The following KIF16B variants were observed in gnomAD, a reference collection of about 807,000 sequenced individuals.
KIF16B encodes the protein kinesin family member 16B.
In KIF16B, 98 loss-of-function variants were observed where a neutral mutation model predicts 156.3. That is an observed-to-expected ratio of 0.63 (90% CI 0.53 to 0.74). The LOEUF is 0.74. Among genes scored for constraint, KIF16B ranks in the 30% least tolerant of loss-of-function variants. KIF16B has a pLI of 0.00. For missense variants in KIF16B, 1,421 were observed against 1,606.5 expected (o/e 0.88, Z 1.97); for synonymous variants, 564 against 583.7 (o/e 0.97, Z 0.49).
intron 1 of KIF16B, among the ~76,000 whole-genome samples, chr20:16,532,332 T>C (rs899252540): frequency 1.3e-5 from 2 of 152,016 alleles, no homozygotes; most frequent in Non-Finnish European, 2.9e-5. Context: ...AAAATAAATA[T>C]CAGTTGTGAA....
intron 16 of KIF16B, among the ~76,000 whole-genome samples, chr20:16,405,986 A>G (rs771512970): frequency 4.6e-5 from 7 of 152,006 alleles, no homozygotes; most frequent in Non-Finnish European, 8.8e-5. Context: ...TCCCACCTCA[A>G]TGAAAAATCT....
chr20:16,441,260 G>T (rs1035417494), intron 12 of KIF16B, among the ~76,000 whole-genome samples: 1 of 152,134 alleles, frequency 6.6e-6, no homozygotes, highest in Non-Finnish European at 1.5e-5. Flanking sequence ...AAGCTGGCCC[G>T]TTCTTGTTTC....
intron 3 of KIF16B, among the ~76,000 whole-genome samples, chr20:16,516,968 G>GGA (rs1448238328): frequency 6.6e-6 from 1 of 152,214 alleles, no homozygotes; most frequent in Non-Finnish European, 1.5e-5. Context: ...GACCCTGCAT[G>GGA]GAAGCCAGAT....
intron 25 of KIF16B, among the ~76,000 whole-genome samples, chr20:16,278,849 C>A (rs1221437553): frequency 1.3e-5 from 2 of 152,194 alleles, no homozygotes; most frequent in African/African-American, 2.4e-5. Flanking sequence ...CTGAGCCACA[C>A]GGTCTCTCAC....
rs1451930984 is a variant in KIF16B, at chr20:16,404,814, C to G, written c.1783G>C (p.Gly595Arg). ...NLSAVMLYNP[G>R]LEFERQQREE... Reference sequence around the variant, plus strand: ...AAGGAGATGCTGCTGTTCACTCACCCGGGGTTATACAACATGACTGCAGAC... The same window carrying G: ...AAGGAGATGCTGCTGTTCACTCACCGGGGGTTATACAACATGACTGCAGAC... The change falls in exon 17 of 26, where the codon GGA becomes CGA. Residue 595 changes from glycine (G) to arginine (R), a missense_variant and splice_region_variant. By Grantham distance (125) the Gly-to-Arg change is moderately radical. Coordinates refer to ENST00000354981, the MANE Select transcript of KIF16B (RefSeq NM_024704.5). 2 of 1,609,230 alleles carry G rather than the reference C, an allele frequency of 1.2e-6. No individual in the cohort carries two copies. Among genetic ancestry groups the G allele is most frequent in the Non-Finnish European group, 1.7e-6 (2 of 1,176,088 alleles).
chr20:16,499,286 G>A (rs2068548100), intron 10 of KIF16B, among the ~76,000 whole-genome samples: 1 of 152,268 alleles, frequency 6.6e-6, no homozygotes, highest in East Asian at 1.9e-4. Context: ...CCAGAGCTAT[G>A]GTTTCTCAGC....
At chr20:16,514,124 G>T (rs2069054337) in intron 4 of KIF16B, among the ~76,000 whole-genome samples, 1 of 152,084 alleles carries the variant, frequency 6.6e-6, no homozygotes, top group South Asian at 2.1e-4. Flanking sequence ...TGTAATTTGT[G>T]AGTGCTTTAT....
At chr20:16,462,321 C>T (rs538117274) in intron 12 of KIF16B, among the ~76,000 whole-genome samples, 4 of 152,320 alleles carry the variant, frequency 2.6e-5, no homozygotes, top group Admixed American at 1.3e-4. Context: ...CCCTGCAATC[C>T]TCACCCGGTT....
chr20:16,395,706 C>T (rs2065483614), intron 17 of KIF16B, among the ~76,000 whole-genome samples: 1 of 152,032 alleles, frequency 6.6e-6, no homozygotes, highest in Non-Finnish European at 1.5e-5. Context: ...ACCAGGATGG[C>T]CAGGACTTGC....
At chr20:16,303,971 C>T (rs1411769628) in intron 25 of KIF16B, among the ~76,000 whole-genome samples, 1 of 152,114 alleles carries the variant, frequency 6.6e-6, no homozygotes, top group Non-Finnish European at 1.5e-5. Context: ...TCCTGATTTC[C>T]AGCTTAGAGT....
intron 25 of KIF16B, among the ~76,000 whole-genome samples, chr20:16,276,837 G>C (rs2063068988): frequency 6.6e-6 from 1 of 152,224 alleles, no homozygotes; most frequent in Non-Finnish European, 1.5e-5. Context: ...AACGTGCTGA[G>C]AGGAAACCTT....
intron 23 of KIF16B, among the ~76,000 whole-genome samples, chr20:16,341,508 T>C (rs1479796910): frequency 6.6e-6 from 1 of 152,212 alleles, no homozygotes; most frequent in African/African-American, 2.4e-5. Flanking sequence ...TGATGAACAA[T>C]GAAAATCATT....
At position 16,303,527 on chromosome 20, in the gene KIF16B, T is replaced by C. The variant is rs111864244; in HGVS notation, c.3795+8808A>G. Among the ~76,000 whole-genome samples the C allele has an allele frequency of 7.2e-3, 1,096 of 152,346 alleles. 24 individuals are homozygous for C. The highest frequency in any genetic ancestry group is 0.025 in the African/African-American group (1,040 of 41,586). ...GTGGTAGAGCAAGCACTCAAACCCA[T>C]GTTTACAAATGTGCTCTCATTTTGA... On this transcript the variant is annotated intron_variant, in intron 25 of 25. Coordinates refer to ENST00000354981, the MANE Select transcript of KIF16B (RefSeq NM_024704.5).
intron 23 of KIF16B, among the ~76,000 whole-genome samples, chr20:16,347,768 A>T (rs546077168): frequency 6.6e-6 from 1 of 152,324 alleles, no homozygotes; most frequent in South Asian, 2.1e-4. Flanking sequence ...GCAACACTCC[A>T]TTTGTCTCGG....
chr20:16,564,193 G>A (rs1334405173), intron 1 of KIF16B, among the ~76,000 whole-genome samples: 1 of 152,180 alleles, frequency 6.6e-6, no homozygotes, highest in African/African-American at 2.4e-5. Context: ...AAAGATTACA[G>A]GAGTCCTTGC....
chr20:16,401,055 G>A (rs907197055), intron 17 of KIF16B, among the ~76,000 whole-genome samples: 3 of 151,552 alleles, frequency 2.0e-5, no homozygotes, highest in African/African-American at 7.3e-5. Flanking sequence ...TCTACAGCAG[G>A]TGGCAAGTTG....
chr20:16,336,020 T>C lies in KIF16B; in HGVS notation c.3622-5A>G, dbSNP rs773812823. On this transcript the variant is annotated splice_region_variant and splice_polypyrimidine_tract_variant and intron_variant, in intron 23 of 25. Transcript: ENST00000354981. ...TGTCTCATCTAGGACAGTAATCTAT[T>C]AACCAGGAAAACCAAAATGAATAAG... 1.3e-6 allele frequency: 2 copies of C among 1,572,012 alleles called. No individual in the cohort carries two copies. The highest frequency in any genetic ancestry group is 1.7e-6 in the Non-Finnish European group (2 of 1,157,442).
At chr20:16,401,062 G>T (rs182522312) in intron 17 of KIF16B, among the ~76,000 whole-genome samples, 281 of 150,136 alleles carry the variant, frequency 1.9e-3, no homozygotes, top group South Asian at 3.4e-3. Flanking sequence ...CAGGTGGCAA[G>T]TTGCAGGGGC....
intron 6 of KIF16B, among the ~76,000 whole-genome samples, chr20:16,509,930 A>G (rs1450853804): frequency 6.6e-6 from 1 of 152,138 alleles, no homozygotes; most frequent in Non-Finnish European, 1.5e-5. Flanking sequence ...AAAAAAATTA[A>G]CCCACGGATT....
Sources: gnomAD v4.1 joint callset for allele counts (sites outside exome capture counted in the v4.1 genomes callset) on GRCh38, gnomAD v4.1.1 for gene constraint, MANE v1.5 for transcripts, NCBI Gene and HGNC (gene_info 2026-07-23, HGNC 2026-07-21) for gene names.